The following NSRP1 variants were observed in gnomAD, a reference collection of about 807,000 sequenced individuals.
NSRP1 encodes coiled-coil domain containing 55.
Under a neutral mutation model 54.7 loss-of-function variants are expected in NSRP1, and 24 were observed. The observed-to-expected ratio is 0.44, with a 90% CI of 0.32 to 0.62. The LOEUF (loss-of-function observed/expected upper bound fraction) is 0.62. NSRP1 is among the 20% of genes least tolerant of loss of function. NSRP1 has a pLI of 0.06. For missense variants in NSRP1, 596 were observed against 651.2 expected (o/e 0.92, Z 0.92); for synonymous variants, 210 against 213.8 (o/e 0.98, Z 0.15).
intron 2 of NSRP1, among the ~76,000 whole-genome samples, chr17:30,161,854 C>T (rs1460252262): frequency 6.6e-6 from 1 of 152,062 alleles, no homozygotes; most frequent in Non-Finnish European, 1.5e-5. Context: ...GCCAGTATAC[C>T]TTGCCAGGGT....
chr17:30,172,671 C>G, intron 3 of NSRP1, 73 bp downstream of exon 3: 1 of 1,246,044 alleles, frequency 8.0e-7, no homozygotes, highest in Non-Finnish European at 1.1e-6. Flanking sequence ...GTTTTGGTAT[C>G]TAGGTGCTGA....
At chr17:30,130,652 A>G (rs1283302047) in intron 2 of NSRP1, among the ~76,000 whole-genome samples, 1 of 152,134 alleles carries the variant, frequency 6.6e-6, no homozygotes, top group East Asian at 1.9e-4. Context: ...GTACAACACT[A>G]TAGTTTCTTT....
chr17:30,117,234 C>T, intron 1 of NSRP1: 1 of 616,642 alleles, frequency 1.6e-6, no homozygotes, highest in Non-Finnish European at 3.0e-6. Flanking sequence ...TTCCTGGCTT[C>T]CTTAGAGGGC....
intron 2 of NSRP1, among the ~76,000 whole-genome samples, chr17:30,133,616 G>A (rs773595329): frequency 2.6e-5 from 4 of 152,154 alleles, no homozygotes; most frequent in Non-Finnish European, 5.9e-5. Flanking sequence ...TTGAAGCCAA[G>A]CGTTGACTTC....
At chr17:30,162,231 T>A in intron 2 of NSRP1, among the ~76,000 whole-genome samples, 1 of 152,104 alleles carries the variant, frequency 6.6e-6, no homozygotes, top group East Asian at 1.9e-4. Context: ...GGGGTTTCGC[T>A]GTTTTAGCCA....
At chr17:30,172,846 GA>G (rs961480210) in intron 3 of NSRP1, among the ~76,000 whole-genome samples, 13 of 144,780 alleles carry the variant, frequency 9.0e-5, no homozygotes, top group South Asian at 2.2e-4. Context: ...TACTTGCAGG[GA>G]AAAAAAAAAC....
chr17:30,150,837 G>A lies in NSRP1; in HGVS notation c.115-21705G>A, dbSNP rs569309042. Among the ~76,000 whole-genome samples, 28 of 151,660 alleles carry A rather than the reference G, an allele frequency of 1.8e-4. 1 individual carries two copies. The highest frequency in any genetic ancestry group is 2.2e-4 in the Non-Finnish European group (15 of 67,856). On this transcript the variant is annotated intron_variant, in intron 2 of 6. Coordinates refer to ENST00000247026, the MANE Select transcript of NSRP1 (RefSeq NM_032141.4). Reference sequence around the variant, plus strand: ...GGAGTAGCTGGGATTATAGGTGCCCGCCACCATGCCCGGCTAATTTTTGTA... The same window carrying A: ...GGAGTAGCTGGGATTATAGGTGCCCACCACCATGCCCGGCTAATTTTTGTA...
At chr17:30,136,492 T>C (rs1490964828) in intron 2 of NSRP1, among the ~76,000 whole-genome samples, 1 of 152,206 alleles carries the variant, frequency 6.6e-6, no homozygotes, top group East Asian at 1.9e-4. Context: ...GTAATCATGT[T>C]AATTGGTTTA....
At chr17:30,144,670 T>A (rs1047321365) in intron 2 of NSRP1, 1 of 152,228 alleles carries the variant, frequency 6.6e-6, no homozygotes, top group African/African-American at 2.4e-5. Context: ...TATATAGATA[T>A]ATCTGTCTTT....
At chr17:30,138,856 T>G (rs975683155) in intron 2 of NSRP1, among the ~76,000 whole-genome samples, 1 of 151,940 alleles carries the variant, frequency 6.6e-6, no homozygotes, top group African/African-American at 2.4e-5. Context: ...ATTGACTGTT[T>G]TATTTGATAA....
intron 2 of NSRP1, among the ~76,000 whole-genome samples, chr17:30,167,149 T>G (rs934114125): frequency 2.7e-4 from 41 of 152,196 alleles, no homozygotes; most frequent in African/African-American, 9.6e-4. Context: ...ATTTATCTTT[T>G]TGTGTGTGGC....
intron 2 of NSRP1, among the ~76,000 whole-genome samples, chr17:30,123,239 A>G (rs1409558276): frequency 6.6e-6 from 1 of 152,142 alleles, no homozygotes; most frequent in African/African-American, 2.4e-5. Context: ...AGCTAGGACT[A>G]CAGGTGCAGC....
At chr17:30,161,138 A>G (rs1455630077) in intron 2 of NSRP1, among the ~76,000 whole-genome samples, 2 of 152,188 alleles carry the variant, frequency 1.3e-5, no homozygotes, top group African/African-American at 2.4e-5. Context: ...CCCCCCATAC[A>G]AAGTATATAT....
At chr17:30,152,017 C>T (rs975010936) in intron 2 of NSRP1, among the ~76,000 whole-genome samples, 4 of 152,086 alleles carry the variant, frequency 2.6e-5, no homozygotes, top group African/African-American at 9.6e-5. Flanking sequence ...GATCTACCTG[C>T]CTCGGTCTCC....
At chr17:30,135,980 A>G (rs1036982622) in intron 2 of NSRP1, among the ~76,000 whole-genome samples, 2 of 152,042 alleles carry the variant, frequency 1.3e-5, no homozygotes, top group Non-Finnish European at 2.9e-5. Context: ...TGGTAGGCCA[A>G]GGCGGGTGGA....
At chr17:30,122,348 G>GTTTCATATATATATATATAT (rs1333412060) in intron 2 of NSRP1, 1 of 42,902 alleles carries the variant, frequency 2.3e-5, no homozygotes, top group South Asian at 1.1e-3. Context: ...GATAACTCTG[G>GTTTCATATATATATATATAT]TTTCATATAT....
At chr17:30,144,809 A>T (rs2071838754) in intron 2 of NSRP1, 1 of 152,202 alleles carries the variant, frequency 6.6e-6, no homozygotes, top group Non-Finnish European at 1.5e-5. Context: ...CACTCCTATC[A>T]TCAGCCTAGC....
chr17:30,142,124 G>T (rs984478529), intron 2 of NSRP1, among the ~76,000 whole-genome samples: 10 of 152,112 alleles, frequency 6.6e-5, no homozygotes, highest in Non-Finnish European at 1.5e-4. Flanking sequence ...AACAATTTGT[G>T]TATCTCGTCC....
At chr17:30,159,358 T>G (rs12451122) in intron 2 of NSRP1, among the ~76,000 whole-genome samples, 76,209 of 151,832 alleles carry the variant, frequency 0.5, 19,709 homozygotes, top group East Asian at 0.82. Context: ...GAGGTTTTTT[T>G]TGTGTGTGTG....
Sources: gnomAD v4.1 joint callset for allele counts (sites outside exome capture counted in the v4.1 genomes callset) on GRCh38, gnomAD v4.1.1 for gene constraint, MANE v1.5 for transcripts, NCBI Gene and HGNC (gene_info 2026-07-23, HGNC 2026-07-21) for gene names.